The following ATP10A variants were observed in gnomAD, a reference collection of about 807,000 sequenced individuals.
ATP10A encodes phospholipid-transporting ATPase VA.
ATP10A carries 111 observed loss-of-function variants against 147.8 expected under a neutral mutation model. The observed-to-expected ratio is 0.75, with a 90% confidence interval of 0.64 to 0.88. The LOEUF is 0.88. Ranked by LOEUF, ATP10A falls within the 40% of genes least tolerant of loss-of-function variation. ATP10A has a pLI of 0.00. For missense variants in ATP10A, 1,927 were observed against 1,959.0 expected (o/e 0.98, Z 0.31); for synonymous variants, 875 against 841.6 (o/e 1.04, Z -0.69).
intron 2 of ATP10A, among the ~76,000 whole-genome samples, chr15:25,751,376 A>T (rs1888148977): frequency 6.6e-6 from 1 of 152,148 alleles, no homozygotes; most frequent in Admixed American, 6.5e-5. Context: ...AAAATTAGCA[A>T]GAACACAGAA....
rs147041252 is a variant in ATP10A, at chr15:25,679,436, G to T, written c.4405C>A (p.Arg1469Ser). ...TEQLADGQAG[R>S]GLPVQPHSGR... ...GAGTGGGGCTGGACAGGAAGTCCAC[G>T]TCCCGCTTGTCCATCTGCAAGCTGC... Residue 1469 changes from arginine to serine, a missense_variant, in exon 21 of 21, where the codon CGT (arginine) becomes AGT (serine). Coordinates refer to ENST00000555815, the MANE Select transcript of ATP10A (RefSeq NM_024490.4). 2.5e-5 allele frequency: 41 copies of T among 1,613,834 alleles called. No individual in the cohort carries two copies. The highest frequency in any genetic ancestry group is 3.5e-5 in the Non-Finnish European group (41 of 1,179,912).
chr15:25,768,577 T>C (rs1889156352), intron 2 of ATP10A, among the ~76,000 whole-genome samples: 1 of 149,848 alleles, frequency 6.7e-6, no homozygotes, highest in Non-Finnish European at 1.5e-5. Flanking sequence ...AGGGTATCAC[T>C]CTGTCATTCA....
At chr15:25,833,524 C>G (rs1892457490) in intron 1 of ATP10A, among the ~76,000 whole-genome samples, 1 of 152,118 alleles carries the variant, frequency 6.6e-6, no homozygotes, top group Non-Finnish European at 1.5e-5. Context: ...CCACACTTCT[C>G]TTCACTCTGG....
chr15:25,833,873 G>A (rs1596973917), intron 1 of ATP10A, among the ~76,000 whole-genome samples: 1 of 152,266 alleles, frequency 6.6e-6, no homozygotes, highest in South Asian at 2.1e-4. Context: ...TTGGGAGGCT[G>A]AGGCAGGAGA....
intron 1 of ATP10A, among the ~76,000 whole-genome samples, chr15:25,850,303 CA>C (rs989679496): frequency 3.0e-4 from 45 of 152,330 alleles, no homozygotes; most frequent in African/African-American, 1.0e-3. Flanking sequence ...TTTCCTCTCA[CA>C]ATGCTCTCGG....
At chr15:25,834,907 T>C (rs1892524731) in intron 1 of ATP10A, among the ~76,000 whole-genome samples, 1 of 152,150 alleles carries the variant, frequency 6.6e-6, no homozygotes. Context: ...ATGCGCAGAC[T>C]AGGTAAATCT....
chr15:25,691,440 C>A (rs1198411702), intron 15 of ATP10A, among the ~76,000 whole-genome samples: 1 of 152,206 alleles, frequency 6.6e-6, no homozygotes, highest in Admixed American at 6.5e-5. Flanking sequence ...CGATGACTCA[C>A]CTTGCCTCTC....
At chr15:25,741,254 G>A (rs1887568946) in intron 2 of ATP10A, among the ~76,000 whole-genome samples, 1 of 152,146 alleles carries the variant, frequency 6.6e-6, no homozygotes, top group African/African-American at 2.4e-5. Flanking sequence ...GGTGACGAAT[G>A]CTTATTTCAG....
In ATP10A at chr15:25,718,310, C is replaced by A; in HGVS notation, c.1453G>T (p.Gly485Cys). ...ACCACCCGGACACTCTGGTGGCTGC[C>A]GATGCTGCCGCGCTGGGACACCGAG... Reference protein sequence around the residue: ...GGSVSQRGSIGSHQSVRVVHR... With the variant: ...GGSVSQRGSICSHQSVRVVHR... Residue 485 changes from glycine (G) to cysteine (C), a missense_variant, in exon 8 of 21, where the codon GGC (glycine) becomes TGC (cysteine). Coordinates refer to ENST00000555815, the MANE Select transcript of ATP10A (RefSeq NM_024490.4). 1 of 1,611,396 alleles carries A rather than the reference C, an allele frequency of 6.2e-7. No homozygotes were observed. The highest frequency in any genetic ancestry group is 8.5e-7 in the Non-Finnish European group (1 of 1,179,766).
At chr15:25,689,951 A>G (rs1899927806) in intron 15 of ATP10A, among the ~76,000 whole-genome samples, 1 of 152,248 alleles carries the variant, frequency 6.6e-6, no homozygotes, top group Non-Finnish European at 1.5e-5. Flanking sequence ...CACTGCCCCC[A>G]TCAGATTTTC....
intron 2 of ATP10A, among the ~76,000 whole-genome samples, chr15:25,746,146 A>C (rs1170631297): frequency 6.6e-6 from 1 of 152,192 alleles, no homozygotes; most frequent in Admixed American, 6.5e-5. Flanking sequence ...TGCAGATACT[A>C]GAAAAGTGTG....
intron 2 of ATP10A, among the ~76,000 whole-genome samples, chr15:25,736,961 T>C (rs1384480099): frequency 1.3e-5 from 2 of 152,174 alleles, no homozygotes; most frequent in Admixed American, 6.5e-5. Flanking sequence ...GCATAAACAC[T>C]GTTGACACCA....
At chr15:25,754,050 T>C (rs1234264336) in intron 2 of ATP10A, among the ~76,000 whole-genome samples, 1 of 152,206 alleles carries the variant, frequency 6.6e-6, no homozygotes, top group Non-Finnish European at 1.5e-5. Context: ...TCCTCCTGCA[T>C]CGGCCTCCCA....
intron 14 of ATP10A, 76 bp downstream of exon 14, chr15:25,694,743 C>T (rs192465103): frequency 1.4e-4 from 174 of 1,288,550 alleles, no homozygotes; most frequent in Middle Eastern, 8.6e-4. Context: ...TTTCCCATCT[C>T]GTGGTGTAGC....
intron 15 of ATP10A, 141 bp downstream of exon 15, chr15:25,691,574 T>C (rs1900036152): frequency 2.6e-6 from 2 of 761,876 alleles, no homozygotes; most frequent in Non-Finnish European, 4.5e-6. Flanking sequence ...AGCAGCTGTA[T>C]TGAGCATCAG....
chr15:25,685,793 C>T (rs1010649910), intron 16 of ATP10A, among the ~76,000 whole-genome samples: 11 of 150,438 alleles, frequency 7.3e-5, no homozygotes, highest in African/African-American at 2.7e-4. Context: ...CACTGCACTC[C>T]AACCTGGGCA....
intron 1 of ATP10A, among the ~76,000 whole-genome samples, chr15:25,836,076 G>A (rs766700617): frequency 2.0e-5 from 3 of 152,202 alleles, no homozygotes; most frequent in Non-Finnish European, 4.4e-5. Flanking sequence ...GGCTCCCAAA[G>A]TGCTGGGATT....
In ATP10A at chr15:25,835,724, C is replaced by G; in HGVS notation, c.449+26924G>C. ...CATTGCTCACTGAACCCCAAACTCC[C>G]GGGCTCAAGCGGTCCTCCCACCTCA... On this transcript the variant is annotated intron_variant, in intron 1 of 20. Transcript: ENST00000555815. Among the ~76,000 whole-genome samples, 2 of 152,212 alleles carry G rather than the reference C, an allele frequency of 1.3e-5. 1 individual carries two copies. The highest frequency in any genetic ancestry group is 2.9e-5 in the Non-Finnish European group (2 of 68,038).
chr15:25,735,753 C>G lies in ATP10A; in HGVS notation c.740+303G>C, dbSNP rs113864627. On this transcript the variant is annotated intron_variant, in intron 3 of 20. Transcript: ENST00000555815. ...CGTTAACGGGGCCATGTGTGGTCAG[C>G]TACACATCTCTTGTCACACCCATCA... Among the ~76,000 whole-genome samples the G allele has an allele frequency of 2.2e-3, 329 of 152,290 alleles. 1 individual carries two copies. The highest frequency in any genetic ancestry group is 3.5e-3 in the Non-Finnish European group (238 of 68,030).
Sources: gnomAD v4.1 joint callset for allele counts (sites outside exome capture counted in the v4.1 genomes callset) on GRCh38, gnomAD v4.1.1 for gene constraint, MANE v1.5 for transcripts, NCBI Gene and HGNC (gene_info 2026-07-23, HGNC 2026-07-21) for gene names.